INPP4B: variants seen among roughly 807,000 people sequenced by gnomAD.
INPP4B encodes the protein inositol polyphosphate-4-phosphatase type II B.
INPP4B carries 55 observed loss-of-function variants against 122.5 expected under a neutral mutation model. The ratio of observed to expected loss-of-function variants is 0.45; its 90% CI spans 0.36 to 0.56. The LOEUF (loss-of-function observed/expected upper bound fraction) is 0.56. Ranked by LOEUF, INPP4B falls within the 20% of genes least tolerant of loss-of-function variation. The pLI, the probability that INPP4B is intolerant of heterozygous loss-of-function variation, is 0.00. For synonymous variants in INPP4B, 403 were observed against 388.7 expected, an observed-to-expected ratio of 1.04 and a Z score of -0.43; for missense variants, 1,000 against 1,097.7, an observed-to-expected ratio of 0.91 and a Z score of 1.26.
chr4:142,486,168 A>G (rs570062727), intron 2 of INPP4B, among the ~76,000 whole-genome samples: 10 of 152,308 alleles, frequency 6.6e-5, no homozygotes, highest in Admixed American at 2.0e-4. Context: ...AATTTATATG[A>G]AAAGAAATAA....
At chr4:142,470,144 G>C (rs547693224) in intron 2 of INPP4B, among the ~76,000 whole-genome samples, 3 of 151,596 alleles carry the variant, frequency 2.0e-5, no homozygotes, top group African/African-American at 7.3e-5. Flanking sequence ...TAAAGAAAAC[G>C]CATAGCAGAT....
At chr4:142,098,776 G>A (rs1012802461) in intron 23 of INPP4B, among the ~76,000 whole-genome samples, 1 of 152,124 alleles carries the variant, frequency 6.6e-6, no homozygotes, top group African/African-American at 2.4e-5. Flanking sequence ...AGATTAAGGT[G>A]TTAAGCAGGA....
At chr4:142,228,149 T>G (rs938801755) in intron 12 of INPP4B, among the ~76,000 whole-genome samples, 3 of 151,978 alleles carry the variant, frequency 2.0e-5, no homozygotes, top group Non-Finnish European at 2.9e-5. Context: ...AAATAGTTTC[T>G]TCATTTAAAC....
intron 2 of INPP4B, among the ~76,000 whole-genome samples, chr4:142,475,717 C>CA (rs1217077044): frequency 2.0e-5 from 3 of 152,042 alleles, no homozygotes; most frequent in Non-Finnish European, 1.5e-5. Flanking sequence ...GTATTAACAG[C>CA]AAAATCAACC....
At chr4:142,314,145 C>T (rs970485905) in intron 8 of INPP4B, among the ~76,000 whole-genome samples, 1 of 152,260 alleles carries the variant, frequency 6.6e-6, no homozygotes, top group African/African-American at 2.4e-5. Context: ...GAGCTGCCAC[C>T]GCCTACTCTA....
chr4:142,025,198 A>T lies in INPP4B; in HGVS notation c.*3584T>A, dbSNP rs1289759045. On this transcript the variant is annotated 3_prime_UTR_variant, in exon 26 of 26. Transcript: ENST00000262992. ...CCAGCCAGTTTCTATGGTGTTAAATACTCCCACTGTGGACAGTTTCAAGCT... is the reference window on the plus strand; with the variant it reads ...CCAGCCAGTTTCTATGGTGTTAAATTCTCCCACTGTGGACAGTTTCAAGCT... The T allele has an allele frequency of 6.6e-6, 1 of 151,790 alleles. No homozygotes were observed. Among genetic ancestry groups the T allele is most frequent in the African/African-American group, 2.4e-5 (1 of 41,310 alleles). The allele number at this position is 151,790 out of a possible 1,614,324, so 9.4% of individuals were successfully genotyped here. A position where few individuals can be genotyped will look rare whatever the true frequency, so the allele number is the denominator to read the frequency against.
intron 16 of INPP4B, among the ~76,000 whole-genome samples, chr4:142,162,896 C>T: frequency 6.6e-6 from 1 of 151,896 alleles, no homozygotes; most frequent in East Asian, 1.9e-4. Flanking sequence ...TTCTTGGAAA[C>T]TCTCTGGATC....
At chr4:142,570,894 A>G (rs1732653400) in intron 2 of INPP4B, among the ~76,000 whole-genome samples, 1 of 151,824 alleles carries the variant, frequency 6.6e-6, no homozygotes, top group African/African-American at 2.4e-5. Flanking sequence ...ATTTTACCCT[A>G]TAAAAACCCA....
chr4:142,089,928 G>A (rs1234260453), intron 23 of INPP4B, among the ~76,000 whole-genome samples: 1 of 152,134 alleles, frequency 6.6e-6, no homozygotes, highest in African/African-American at 2.4e-5. Context: ...GAGGAGTCAA[G>A]GCTAAAACTT....
chr4:142,702,189 T>TA (rs569086012), intron 2 of INPP4B, among the ~76,000 whole-genome samples: 406 of 144,876 alleles, frequency 2.8e-3, no homozygotes, highest in Admixed American at 3.1e-3. Flanking sequence ...GTAGTTTCTT[T>TA]AAAAAAAAAA....
At chr4:142,323,490 G>A (rs1770954583) in intron 7 of INPP4B, among the ~76,000 whole-genome samples, 1 of 141,066 alleles carries the variant, frequency 7.1e-6, no homozygotes, top group Non-Finnish European at 1.5e-5. Flanking sequence ...CTGTCGCCCA[G>A]GCTGGAGTGC....
At chr4:142,169,989 C>T (rs1824800003) in intron 16 of INPP4B, among the ~76,000 whole-genome samples, 2 of 151,718 alleles carry the variant, frequency 1.3e-5, no homozygotes, top group Admixed American at 6.6e-5. Flanking sequence ...ACACTGTCCA[C>T]ATTCAGGCCT....
At chr4:142,333,432 T>C (rs1343000905) in intron 7 of INPP4B, among the ~76,000 whole-genome samples, 2 of 152,212 alleles carry the variant, frequency 1.3e-5, no homozygotes, top group Non-Finnish European at 2.9e-5. Context: ...AAAGACCAAA[T>C]CTTTCCTTTC....
chr4:142,472,372 A>T (rs1282222370), intron 2 of INPP4B, among the ~76,000 whole-genome samples: 1 of 151,968 alleles, frequency 6.6e-6, no homozygotes, highest in African/African-American at 2.4e-5. Flanking sequence ...TGCTATTTCA[A>T]TTACCTTTAC....
Position 142,473,687 on chromosome 4 carries a change from C to T in INPP4B, c.-190-10961G>A, listed in dbSNP as rs116735333. 6.3e-3 allele frequency among the ~76,000 whole-genome samples: 960 copies of T among 152,296 alleles called. 14 individuals carry two copies. The highest frequency in any genetic ancestry group is 0.022 in the African/African-American group (900 of 41,560). ...GGTCCCATGTTAGGTTCTAGTCCAG[C>T]GGTCCCACTTCTGCCATAACTTGGC... is the stretch of plus-strand genomic sequence containing the variant. On this transcript the variant is annotated intron_variant, in intron 2 of 25. Coordinates refer to ENST00000262992, the MANE Select transcript of INPP4B (RefSeq NM_001101669.3).
chr4:142,289,027 T>C (rs76591194), intron 9 of INPP4B, among the ~76,000 whole-genome samples: 8,687 of 152,248 alleles, frequency 0.057, 798 homozygotes, highest in African/African-American at 0.2. Context: ...TTACTTTCAA[T>C]GTATTTTTTA....
intron 2 of INPP4B, among the ~76,000 whole-genome samples, chr4:142,672,099 T>C (rs1184725125): frequency 6.6e-6 from 1 of 152,214 alleles, no homozygotes; most frequent in Non-Finnish European, 1.5e-5. Context: ...TAGTATTCCA[T>C]TGTTTGAAAG....
intron 12 of INPP4B, among the ~76,000 whole-genome samples, chr4:142,222,647 T>C (rs184232716): frequency 3.1e-4 from 47 of 152,368 alleles, no homozygotes; most frequent in Middle Eastern, 3.4e-3. Flanking sequence ...TATTTTTATG[T>C]TGCTCAGCAG....
At chr4:142,427,736 A>G (rs1488590293) in intron 5 of INPP4B, among the ~76,000 whole-genome samples, 1 of 152,020 alleles carries the variant, frequency 6.6e-6, no homozygotes. Context: ...AAATATATCA[A>G]ATCACTCTAA....
Sources: allele counts gnomAD v4.1 joint callset (sites outside exome capture counted in the v4.1 genomes callset), GRCh38; gene constraint gnomAD v4.1.1; transcripts MANE v1.5; gene names NCBI Gene and HGNC (gene_info 2026-07-23, HGNC 2026-07-21).